The following BMPR1A variants were observed in gnomAD, a reference collection of about 807,000 sequenced individuals.
BMPR1A encodes the protein bone morphogenetic protein receptor type-1A.
A neutral mutation model predicts 66.0 loss-of-function variants in BMPR1A; 7 were observed. That is an observed-to-expected ratio of 0.11 (90% CI 0.06 to 0.20). The LOEUF (loss-of-function observed/expected upper bound fraction) is 0.20, where lower values mean the gene tolerates loss of function less well. BMPR1A is among the 10% of genes least tolerant of loss of function. The pLI, the probability that BMPR1A is intolerant of heterozygous loss-of-function variation, is 1.00. For synonymous variants in BMPR1A, 200 were observed against 229.7 expected (o/e 0.87, Z 1.17); for missense variants, 408 against 669.1 (o/e 0.61, Z 4.31).
chr10:86,886,664 TC>T (rs1843070996), intron 3 of BMPR1A, among the ~76,000 whole-genome samples: 1 of 152,062 alleles, frequency 6.6e-6, no homozygotes, highest in Non-Finnish European at 1.5e-5. Context: ...AGAGGCTCTT[TC>T]CTGTTACTTT....
chr10:86,906,751 A>C (rs868816538), intron 7 of BMPR1A, among the ~76,000 whole-genome samples: 3 of 140,256 alleles, frequency 2.1e-5, no homozygotes, highest in Middle Eastern at 3.7e-3. Context: ...AAAAAAAAAA[A>C]AAAAAAAAAA....
At chr10:86,811,481 G>T (rs1378453789) in intron 1 of BMPR1A, among the ~76,000 whole-genome samples, 1 of 152,100 alleles carries the variant, frequency 6.6e-6, no homozygotes, top group Non-Finnish European at 1.5e-5. Flanking sequence ...TTTATCTGTT[G>T]AAGAATTTTG....
chr10:86,899,661 A>T, intron 5 of BMPR1A, 133 bp from the exon 6 acceptor site: 1 of 905,296 alleles, frequency 1.1e-6, no homozygotes, highest in Non-Finnish European at 1.7e-6. Context: ...TCTTTCAATA[A>T]TCTGTTTTTA....
At chr10:86,914,027 A>G (rs537994361) in intron 8 of BMPR1A, among the ~76,000 whole-genome samples, 20 of 152,296 alleles carry the variant, frequency 1.3e-4, no homozygotes, top group Middle Eastern at 3.4e-3. Flanking sequence ...AATGATCTCA[A>G]TTTGGTACTG....
intron 1 of BMPR1A, among the ~76,000 whole-genome samples, chr10:86,778,927 C>CTTT (rs34496927): frequency 8.4e-6 from 1 of 118,492 alleles, no homozygotes; most frequent in Non-Finnish European, 1.8e-5. Flanking sequence ...TATGTATTTT[C>CTTT]TTTTTTTTTT....
chr10:86,870,975 G>C (rs1842847242), intron 2 of BMPR1A, among the ~76,000 whole-genome samples: 1 of 152,098 alleles, frequency 6.6e-6, no homozygotes, highest in Non-Finnish European at 1.5e-5. Context: ...GCCCTTGCCT[G>C]ATCTGGTCTT....
intron 2 of BMPR1A, among the ~76,000 whole-genome samples, chr10:86,846,509 T>G (rs1384636780): frequency 6.6e-6 from 1 of 152,184 alleles, no homozygotes; most frequent in African/African-American, 2.4e-5. Flanking sequence ...TTCTCCAGGC[T>G]TCTGGTCTCT....
At chr10:86,911,058 G>A (rs2133534973) in intron 7 of BMPR1A, among the ~76,000 whole-genome samples, 1 of 151,946 alleles carries the variant, frequency 6.6e-6, no homozygotes, top group Middle Eastern at 3.4e-3. Flanking sequence ...GGGAGGCTGA[G>A]GTGGGAGGAT....
intron 2 of BMPR1A, among the ~76,000 whole-genome samples, chr10:86,847,878 T>G (rs1842509008): frequency 6.6e-6 from 1 of 152,092 alleles, no homozygotes; most frequent in Non-Finnish European, 1.5e-5. Flanking sequence ...GGTCTGTTTG[T>G]GTATTCCATT....
At chr10:86,805,106 T>G (rs958615210) in intron 1 of BMPR1A, among the ~76,000 whole-genome samples, 1 of 152,156 alleles carries the variant, frequency 6.6e-6, no homozygotes, top group Admixed American at 6.6e-5. Flanking sequence ...TATAGTCATA[T>G]AGGATTAGGC....
chr10:86,849,385 A>G (rs1385448805), intron 2 of BMPR1A, among the ~76,000 whole-genome samples: 3 of 152,168 alleles, frequency 2.0e-5, no homozygotes, highest in Non-Finnish European at 4.4e-5. Context: ...TCCATTATTC[A>G]AGTGTGAGCT....
chr10:86,919,285 A>G lies in BMPR1A; in HGVS notation c.982A>G (p.Thr328Ala). The G allele has an allele frequency of 2.5e-6, 4 of 1,613,962 alleles. No individual in the cohort carries two copies. The highest frequency in any genetic ancestry group is 1.3e-5 in the African/African-American group (1 of 75,030). The change falls in exon 10 of 13, where the codon ACC becomes GCC. Residue 328 changes from threonine (T) to alanine (A), a missense_variant. Physicochemically the swap from Thr to Ala is moderately conservative, Grantham distance 58 (BLOSUM62 0). Coordinates refer to ENST00000372037, the MANE Select transcript of BMPR1A (RefSeq NM_004329.3). Reference protein sequence around the residue: ...YDFLKCATLDTRALLKLAYSA... With the variant: ...YDFLKCATLDARALLKLAYSA... ...CTTCCTGAAATGTGCTACACTGGAC[A>G]CCAGAGCCCTGCTTAAATTGGCTTA...
At chr10:86,930,815 A>G (rs981238538), downstream of BMPR1A, 2 of 152,174 alleles carry the variant, frequency 1.3e-5, no homozygotes, top group Non-Finnish European at 2.9e-5. Context: ...ATCATAACGC[A>G]CTGTAGCCTC....
intron 2 of BMPR1A, among the ~76,000 whole-genome samples, chr10:86,846,422 G>C (rs1842485529): frequency 6.6e-6 from 1 of 152,118 alleles, no homozygotes; most frequent in Non-Finnish European, 1.5e-5. Context: ...TCTGTGGGAG[G>C]TGCCTTGTGT....
At chr10:86,917,091 T>C (rs762834037) in intron 8 of BMPR1A, 43 bp from the exon 9 acceptor site, 2 of 1,601,638 alleles carry the variant, frequency 1.2e-6, no homozygotes, top group Non-Finnish European at 1.7e-6. Context: ...CTTAATGGGT[T>C]TCTTTCATCA....
At chr10:86,869,921 A>T (rs1001099224) in intron 2 of BMPR1A, among the ~76,000 whole-genome samples, 3 of 152,214 alleles carry the variant, frequency 2.0e-5, no homozygotes, top group Non-Finnish European at 2.9e-5. Context: ...TGAGTTAGTA[A>T]TATCCCCATT....
chr10:86,826,816 A>G (rs1026262867), intron 1 of BMPR1A, among the ~76,000 whole-genome samples: 5 of 149,934 alleles, frequency 3.3e-5, no homozygotes, highest in African/African-American at 1.2e-4. Context: ...TTTTCTTAGT[A>G]TGTTGTATTC....
intron 1 of BMPR1A, among the ~76,000 whole-genome samples, chr10:86,788,895 C>G (rs1173408822): frequency 6.6e-6 from 1 of 152,178 alleles, no homozygotes; most frequent in Non-Finnish European, 1.5e-5. Context: ...TTGTGAGCCA[C>G]TGCGCCCAGT....
chr10:86,915,865 C>G (rs1208978253), intron 8 of BMPR1A, among the ~76,000 whole-genome samples: 1 of 152,160 alleles, frequency 6.6e-6, no homozygotes, highest in East Asian at 1.9e-4. Flanking sequence ...AGAATGATCA[C>G]TAATGCTTCT....
Sources: gnomAD v4.1 joint callset for allele counts (sites outside exome capture counted in the v4.1 genomes callset) on GRCh38, gnomAD v4.1.1 for gene constraint, MANE v1.5 for transcripts, NCBI Gene and HGNC (gene_info 2026-07-23, HGNC 2026-07-21) for gene names.